TIAM2: variants seen among roughly 807,000 people sequenced by gnomAD.
TIAM2 encodes the protein rho guanine nucleotide exchange factor TIAM2.
In TIAM2, 80 loss-of-function variants were observed where a neutral mutation model predicts 152.9. The ratio of observed to expected loss-of-function variants is 0.52; its 90% CI spans 0.44 to 0.63. The LOEUF (loss-of-function observed/expected upper bound fraction) is 0.63, where lower values mean the gene tolerates loss of function less well. Among genes scored for constraint, TIAM2 ranks in the 30% least tolerant of loss-of-function variants. TIAM2 has a pLI of 0.00. For synonymous variants in TIAM2, 804 were observed against 838.0 expected (o/e 0.96, Z 0.70); for missense variants, 1,965 against 2,120.1 (o/e 0.93, Z 1.44).
rs112263338 is a variant in TIAM2 at position 155,038,086 on chromosome 6, C to T, written c.-209+42594C>T. ...GTTAAATAAGGAGCATTAAAACAAA[C>T]CTTCTATTGAAGGGCACAAATCATG... On this transcript the variant is annotated intron_variant, in intron 1 of 26. Transcript: ENST00000682666. 4.3e-3 allele frequency among the ~76,000 whole-genome samples: 660 copies of T among 152,282 alleles called. 5 individuals carry two copies. Among genetic ancestry groups the T allele is most frequent in the Non-Finnish European group, 5.4e-3 (367 of 68,006 alleles).
At chr6:155,248,655 G>A (rs1265155557) in intron 20 of TIAM2, among the ~76,000 whole-genome samples, 2 of 152,174 alleles carry the variant, frequency 1.3e-5, no homozygotes, top group Non-Finnish European at 2.9e-5. Flanking sequence ...TCCCAATGAT[G>A]GGTTATGCTT....
chr6:155,247,747 A>G (rs3011906), intron 19 of TIAM2, among the ~76,000 whole-genome samples: 72,646 of 152,124 alleles, frequency 0.48, 18,008 homozygotes, highest in African/African-American at 0.57. Context: ...ATTTTGAGTC[A>G]GTGTTAGTCT....
intron 1 of TIAM2, among the ~76,000 whole-genome samples, chr6:155,028,073 T>C (rs191937291): frequency 1.6e-5 from 2 of 122,468 alleles, no homozygotes; most frequent in African/African-American, 6.8e-5. Context: ...ATATATAATA[T>C]ATGTACTGTG....
rs868524523 is a variant in TIAM2 at position 155,177,390 on chromosome 6, T to C, written c.2523+413T>C. Among the ~76,000 whole-genome samples the C allele has an allele frequency of 3.9e-5, 6 of 152,356 alleles. No homozygotes were observed. In the South Asian group the frequency reaches 8.3e-4, roughly 21 times the overall value. The stretch of plus-strand genomic sequence containing the variant: ...TCTCCAGATTAAACACGAAACTTGA[T>C]ATATTCACAGTTGCTTTATGGAGAT... On this transcript the variant is annotated intron_variant, in intron 10 of 26. Coordinates refer to ENST00000682666, the MANE Select transcript of TIAM2 (RefSeq NM_012454.4).
chr6:155,120,769 G>A (rs1396369208), intron 2 of TIAM2, among the ~76,000 whole-genome samples: 1 of 152,186 alleles, frequency 6.6e-6, no homozygotes, highest in Non-Finnish European at 1.5e-5. Flanking sequence ...ACGGGGTTCA[G>A]TAGTATCCCC....
chr6:155,075,023 G>C (rs1777924473), intron 1 of TIAM2, among the ~76,000 whole-genome samples: 1 of 151,942 alleles, frequency 6.6e-6, no homozygotes, highest in South Asian at 2.1e-4. Context: ...AGGACGGTGG[G>C]TGCAGCCGCG....
chr6:155,257,293 A>T lies in TIAM2; in HGVS notation c.*172A>T. ...TTTAAGTTATTTTAATTTATTGTGG[A>T]TCAGAAACCTAGATGAAACTGGTCA... On this transcript the variant is annotated 3_prime_UTR_variant, in exon 27 of 27. Coordinates refer to ENST00000682666, the MANE Select transcript of TIAM2 (RefSeq NM_012454.4). 1 of 741,852 alleles carries T rather than the reference A, an allele frequency of 1.3e-6. No homozygotes were observed. Among genetic ancestry groups the T allele is most frequent in the Non-Finnish European group, 2.1e-6 (1 of 473,540 alleles). The allele number at this position is 741,852 out of a possible 1,614,324, so 46.0% of individuals were successfully genotyped here.
At chr6:155,114,889 G>A (rs1486215057) in intron 2 of TIAM2, among the ~76,000 whole-genome samples, 3 of 151,922 alleles carry the variant, frequency 2.0e-5, no homozygotes, top group Admixed American at 1.3e-4. Context: ...GTGCAGTGGC[G>A]TGATCTCATC....
chr6:155,234,694 T>C (rs1043181025), intron 15 of TIAM2, among the ~76,000 whole-genome samples: 1 of 152,210 alleles, frequency 6.6e-6, no homozygotes, highest in Admixed American at 6.5e-5. Context: ...CATGAGCCAC[T>C]GTGCCAGACC....
chr6:155,013,112 C>T (rs1444662121), intron 1 of TIAM2, among the ~76,000 whole-genome samples: 2 of 152,110 alleles, frequency 1.3e-5, no homozygotes, highest in African/African-American at 4.8e-5. Context: ...CACATTGTTG[C>T]TCCTCCTAAC....
At chr6:155,177,878 C>G (rs1314515108) in intron 10 of TIAM2, among the ~76,000 whole-genome samples, 1 of 152,054 alleles carries the variant, frequency 6.6e-6, no homozygotes, top group Non-Finnish European at 1.5e-5. Context: ...TAAAGGGTAT[C>G]AGAAGTAGTG....
chr6:155,071,178 A>C (rs1331176355), intron 1 of TIAM2, among the ~76,000 whole-genome samples: 1 of 119,028 alleles, frequency 8.4e-6, no homozygotes, highest in Non-Finnish European at 1.9e-5. Context: ...AGTGTCAAAA[A>C]AAGAAAAAAA....
intron 12 of TIAM2, among the ~76,000 whole-genome samples, chr6:155,181,317 G>A (rs1780896231): frequency 6.6e-6 from 1 of 151,894 alleles, no homozygotes; most frequent in Non-Finnish European, 1.5e-5. Flanking sequence ...GGCAAGCACC[G>A]TATTCATCCA....
At chr6:155,053,539 T>G (rs994234984) in intron 1 of TIAM2, among the ~76,000 whole-genome samples, 6 of 145,542 alleles carry the variant, frequency 4.1e-5, no homozygotes, top group African/African-American at 1.5e-4. Context: ...TGTCACAATC[T>G]CAGCTCACTC....
intron 1 of TIAM2, among the ~76,000 whole-genome samples, chr6:155,044,266 G>A (rs1029401672): frequency 1.3e-5 from 2 of 152,096 alleles, no homozygotes; most frequent in Admixed American, 1.3e-4. Context: ...TAGAAGCCAG[G>A]TGTTCTCATT....
At chr6:155,095,740 A>G (rs928890131) in intron 2 of TIAM2, among the ~76,000 whole-genome samples, 1 of 152,212 alleles carries the variant, frequency 6.6e-6, no homozygotes, top group Non-Finnish European at 1.5e-5. Flanking sequence ...CTTATTAGGA[A>G]TCTTCCAGCT....
Position 155,036,906 on chromosome 6 carries a change from C to T in TIAM2, c.-209+41414C>T, listed in dbSNP as rs569592788. ...GTGCTGGGATTACAGGCATGAGCCA[C>T]CGCGCCTGGCCTGGAGAAATTCTTA... On this transcript the variant is annotated intron_variant, in intron 1 of 26. Coordinates refer to ENST00000682666, the MANE Select transcript of TIAM2 (RefSeq NM_012454.4). Among the ~76,000 whole-genome samples the T allele has an allele frequency of 2.8e-4, 42 of 152,266 alleles. 2 individuals are homozygous for T. Among genetic ancestry groups the T allele is most frequent in the African/African-American group, 9.1e-4 (38 of 41,550 alleles).
Position 155,028,705 on chromosome 6 carries a change from TTATA to T in TIAM2, c.-209+33220_-209+33223del, listed in dbSNP as rs1228441482. 7.6e-4 allele frequency among the ~76,000 whole-genome samples: 65 copies of T among 85,928 alleles called. 4 individuals carry two copies. Among genetic ancestry groups the T allele is most frequent in the African/African-American group, 1.1e-3 (20 of 18,126 alleles). 56.4% of individuals were successfully genotyped at this position (85,928 alleles called of 152,430 possible). On this transcript the variant is annotated intron_variant, in intron 1 of 26. Coordinates refer to ENST00000682666, the MANE Select transcript of TIAM2 (RefSeq NM_012454.4). Reference sequence around the variant, plus strand: ...TACTACATATAATATATATACTGTGTTATATATATACTACATATAATATATATAC... The same window carrying T: ...TACTACATATAATATATATACTGTGTTATATACTACATATAATATATATAC...
chr6:155,033,298 G>A (rs774091008), intron 1 of TIAM2, among the ~76,000 whole-genome samples: 2 of 152,158 alleles, frequency 1.3e-5, no homozygotes, highest in African/African-American at 4.8e-5. Context: ...GCATGGTTAC[G>A]TTTTAGGTTA....
Sources: allele counts gnomAD v4.1 joint callset (sites outside exome capture counted in the v4.1 genomes callset), GRCh38; gene constraint gnomAD v4.1.1; transcripts MANE v1.5; gene names NCBI Gene and HGNC (gene_info 2026-07-23, HGNC 2026-07-21).